The following WDR33 variants were observed in gnomAD, a reference collection of about 807,000 sequenced individuals.
WDR33 encodes WD repeat domain 33.
WDR33 carries 47 observed loss-of-function variants against 164.9 expected under a neutral mutation model. The observed-to-expected ratio is 0.29, with a 90% CI of 0.23 to 0.36. The LOEUF is 0.36. Ranked by LOEUF, WDR33 falls within the 10% of genes least tolerant of loss-of-function variation. WDR33 has a pLI of 1.00. For missense variants in WDR33, 1,137 were observed against 1,754.1 expected (o/e 0.65, Z 6.28); for synonymous variants, 505 against 589.0 (o/e 0.86, Z 2.06).
At chr2:127,761,345 C>T (rs771932097) in intron 7 of WDR33, among the ~76,000 whole-genome samples, 12 of 151,946 alleles carry the variant, frequency 7.9e-5, no homozygotes, top group African/African-American at 1.5e-4. Context: ...GGACTACAGG[C>T]GCCCACCACG....
rs573421457 is a variant in WDR33, at chr2:127,706,241, C to T, written c.*82G>A. On this transcript the variant is annotated 3_prime_UTR_variant, in exon 22 of 22. Transcript: ENST00000322313. The surrounding 1 kb of genome is among the most constrained non-coding windows in gnomAD (Gnocchi z 5.1). ...GAGTTCAGGGCTACAATGGTGCAGG[C>T]TTCCTTTTGTTTCTCTTGGTGAGTC... The T allele has an allele frequency of 3.6e-5, 47 of 1,309,772 alleles. No individual in the cohort carries two copies. The highest frequency in any genetic ancestry group is 2.6e-4 in the Middle Eastern group (1 of 3,916). 81.1% of individuals were successfully genotyped at this position (1,309,772 alleles called of 1,614,324 possible).
At chr2:127,777,918 G>C (rs925776733) in intron 1 of WDR33, among the ~76,000 whole-genome samples, 2 of 152,142 alleles carry the variant, frequency 1.3e-5, no homozygotes, top group African/African-American at 2.4e-5. Context: ...GGTCAATTCT[G>C]CTTCTTGTCC....
rs1163414629 is a variant in WDR33 at position 127,702,119 on chromosome 2, C to A, written c.*4204G>T. Reference sequence around the variant, plus strand: ...CCTGGGGCGGCGGCACCGCGCTGCGCCTCGCACTGGGTCGCCTGGGCCGCG... The same window carrying A: ...CCTGGGGCGGCGGCACCGCGCTGCGACTCGCACTGGGTCGCCTGGGCCGCG... On this transcript the variant is annotated 3_prime_UTR_variant, in exon 22 of 22. Transcript: ENST00000322313. The A allele has an allele frequency of 1.1e-5, 13 of 1,219,500 alleles. No homozygotes were observed. Among genetic ancestry groups the A allele is most frequent in the Non-Finnish European group, 1.2e-5 (12 of 981,910 alleles). The allele number at this position is 1,219,500 out of a possible 1,614,324, so 75.5% of individuals were successfully genotyped here.
Position 127,763,300 on chromosome 2 carries a change from G to T in WDR33, c.627-141C>A, listed in dbSNP as rs1167232076. 1 of 1,467,370 alleles carries T rather than the reference G, an allele frequency of 6.8e-7. No individual in the cohort carries two copies. The highest frequency in any genetic ancestry group is 2.5e-5 in the East Asian group (1 of 39,958). The allele number at this position is 1,467,370 out of a possible 1,614,324, so 90.9% of individuals were successfully genotyped here. The stretch of plus-strand genomic sequence containing the variant: ...AATCCAGTGAAGAAGCCCTTAAAGT[G>T]AATGTCGTCAGCTAACATAGGCATC... On this transcript the variant is annotated intron_variant, in intron 6 of 21. Transcript: ENST00000322313. This position sits in a 1 kb window ranked among gnomAD's most constrained non-coding sequence, Gnocchi z 4.5.
In WDR33 at chr2:127,710,445, C is replaced by T. The variant is rs1264937673; in HGVS notation, c.3309-589G>A. On this transcript the variant is annotated intron_variant, in intron 18 of 21. Coordinates refer to ENST00000322313, the MANE Select transcript of WDR33 (RefSeq NM_018383.5). This position sits in a 1 kb window ranked among gnomAD's most constrained non-coding sequence, Gnocchi z 4.4. ...GCCATCTGCCCCAGCCCACAGCCTC[C>T]ACCCAGGGGCAGGCCTCCATGACCA... Among the ~76,000 whole-genome samples, 1 of 152,236 alleles carries T rather than the reference C, an allele frequency of 6.6e-6. No homozygotes were observed. Among genetic ancestry groups the T allele is most frequent in the African/African-American group, 2.4e-5 (1 of 41,456 alleles).
chr2:127,717,892 T>G lies in WDR33; in HGVS notation c.2761-629A>C, dbSNP rs191793202. On this transcript the variant is annotated intron_variant, in intron 16 of 21. Coordinates refer to ENST00000322313, the MANE Select transcript of WDR33 (RefSeq NM_018383.5). The surrounding 1 kb of genome is among the most constrained non-coding windows in gnomAD (Gnocchi z 5.6). ...ACACAGTAGCTAAAGTCCATTATTT[T>G]TTTAATCCTCCAAAATGAAAACTGT... 1.0e-3 allele frequency among the ~76,000 whole-genome samples: 156 copies of G among 152,346 alleles called. 1 individual carries two copies. The highest frequency in any genetic ancestry group is 3.6e-3 in the African/African-American group (151 of 41,578).
At chr2:127,810,653 A>G (rs979514280) in intron 1 of WDR33, 1 of 152,078 alleles carries the variant, frequency 6.6e-6, no homozygotes, top group African/African-American at 2.4e-5. Flanking sequence ...TCAACCAACT[A>G]CTTCAACTCG....
At chr2:127,808,922 C>T (rs907719521) in intron 1 of WDR33, among the ~76,000 whole-genome samples, 21 of 150,968 alleles carry the variant, frequency 1.4e-4, no homozygotes, top group Admixed American at 4.6e-4. Context: ...CCCAGCTACT[C>T]GGGAGGCTCA....
In WDR33 at chr2:127,708,583, C is replaced by T. The variant is rs1471196412; in HGVS notation, c.3781+94G>A. 3.6e-6 allele frequency: 5 copies of T among 1,375,876 alleles called. No individual in the cohort carries two copies. The highest frequency in any genetic ancestry group is 3.9e-6 in the Non-Finnish European group (4 of 1,013,394). 85.2% of individuals were successfully genotyped at this position (1,375,876 alleles called of 1,614,324 possible). On this transcript the variant is annotated intron_variant, in intron 21 of 21. Coordinates refer to ENST00000322313, the MANE Select transcript of WDR33 (RefSeq NM_018383.5). The surrounding 1 kb of genome is among the most constrained non-coding windows in gnomAD (Gnocchi z 6.7). The stretch of plus-strand genomic sequence containing the variant: ...ACATTTAGGAGCATGTGCCTCTGCA[C>T]AGCCCAGGCTGCAAGGGCATGTGCA...
chr2:127,774,819 G>C (rs1465461745), intron 1 of WDR33, among the ~76,000 whole-genome samples: 4 of 151,224 alleles, frequency 2.6e-5, no homozygotes, highest in African/African-American at 7.3e-5. Flanking sequence ...GACAGAGTGA[G>C]ACTCCGTCTC....
rs1336523540 is a variant in WDR33 at position 127,712,528 on chromosome 2, G to C, written c.3308+1055C>G. Reference sequence around the variant, plus strand: ...CAGCTCTGACACCTACCACCTGCCAGACCTCGGAAAGTCAAGACACTGCTC... The same window carrying C: ...CAGCTCTGACACCTACCACCTGCCACACCTCGGAAAGTCAAGACACTGCTC... On this transcript the variant is annotated intron_variant, in intron 18 of 21. Transcript: ENST00000322313. The surrounding 1 kb of genome is among the most constrained non-coding windows in gnomAD (Gnocchi z 4.0). Among the ~76,000 whole-genome samples, 2 of 152,214 alleles carry C rather than the reference G, an allele frequency of 1.3e-5. No homozygotes were observed. The highest frequency in any genetic ancestry group is 1.3e-4 in the Admixed American group (2 of 15,282).
chr2:127,792,909 A>G (rs1383786895), intron 1 of WDR33, among the ~76,000 whole-genome samples: 1 of 152,192 alleles, frequency 6.6e-6, no homozygotes, highest in Non-Finnish European at 1.5e-5. Context: ...GTTGTGATGA[A>G]ACAAACAAAG....
At position 127,763,302 on chromosome 2, in the gene WDR33, A is replaced by G; in HGVS notation, c.627-143T>C. On this transcript the variant is annotated intron_variant, in intron 6 of 21. Transcript: ENST00000322313. The surrounding 1 kb of genome is among the most constrained non-coding windows in gnomAD (Gnocchi z 4.5). ...TCCAGTGAAGAAGCCCTTAAAGTGAATGTCGTCAGCTAACATAGGCATCTC... is the reference window on the plus strand; with the variant it reads ...TCCAGTGAAGAAGCCCTTAAAGTGAGTGTCGTCAGCTAACATAGGCATCTC... The G allele has an allele frequency of 6.8e-7, 1 of 1,464,668 alleles. No homozygotes were observed. The highest frequency in any genetic ancestry group is 9.0e-7 in the Non-Finnish European group (1 of 1,108,576). 90.7% of individuals were successfully genotyped at this position (1,464,668 alleles called of 1,614,324 possible). A position where few individuals can be genotyped will look rare whatever the true frequency, so the allele number is the denominator to read the frequency against.
In WDR33 at chr2:127,726,777, C is replaced by CTAA; in HGVS notation, c.725-1_725insTTA (p.Gly242delinsValArg). On this transcript the variant is annotated protein_altering_variant and splice_region_variant. Coordinates refer to ENST00000322313, the MANE Select transcript of WDR33 (RefSeq NM_018383.5). The surrounding 1 kb of genome is among the most constrained non-coding windows in gnomAD (Gnocchi z 4.8). ...TACACATTTCACATCAGCACCATGC[C>CTAA]CTGTCGGAAACAAGTTAGGATTAAA... The CTAA allele has an allele frequency of 6.2e-7, 1 of 1,613,820 alleles. No individual in the cohort carries two copies. Among genetic ancestry groups the CTAA allele is most frequent in the Non-Finnish European group, 8.5e-7 (1 of 1,179,920 alleles).
In WDR33 at chr2:127,770,987, T is replaced by C; in HGVS notation, c.-6A>G. The C allele has an allele frequency of 6.2e-7, 1 of 1,613,590 alleles. No homozygotes were observed. The highest frequency in any genetic ancestry group is 8.5e-7 in the Non-Finnish European group (1 of 1,179,690). Reference sequence around the variant, plus strand: ...GAACCAATTTCTGTAGCCATGGTGATGTTTTCCTTCTAGGATACTAGGATA... The same window carrying C: ...GAACCAATTTCTGTAGCCATGGTGACGTTTTCCTTCTAGGATACTAGGATA... On this transcript the variant is annotated 5_prime_UTR_variant, in exon 2 of 22. Coordinates refer to ENST00000322313, the MANE Select transcript of WDR33 (RefSeq NM_018383.5). The surrounding 1 kb of genome is among the most constrained non-coding windows in gnomAD (Gnocchi z 4.9).
intron 1 of WDR33, among the ~76,000 whole-genome samples, chr2:127,807,900 G>A (rs894502359): frequency 6.6e-6 from 1 of 152,208 alleles, no homozygotes; most frequent in African/African-American, 2.4e-5. Context: ...AGGAATTAGA[G>A]GCTACAGTGA....
chr2:127,766,920 G>A lies in WDR33; in HGVS notation c.378+1269C>T, dbSNP rs370988759. Among the ~76,000 whole-genome samples, 3 of 151,956 alleles carry A rather than the reference G, an allele frequency of 2.0e-5. 1 individual carries two copies. The highest frequency in any genetic ancestry group is 7.2e-5 in the African/African-American group (3 of 41,460). ...CTCTCAGGCACGTGCCACCACACCC[G>A]GCTAATTTTTGTATTTTTAGTAAAC... On this transcript the variant is annotated intron_variant, in intron 4 of 21. Coordinates refer to ENST00000322313, the MANE Select transcript of WDR33 (RefSeq NM_018383.5).
chr2:127,762,878 G>A, intron 7 of WDR33, 184 bp downstream of exon 7: 1 of 1,407,644 alleles, frequency 7.1e-7, no homozygotes, highest in Non-Finnish European at 9.2e-7. Context: ...AACACTGGTA[G>A]TAAAAACCTA....
chr2:127,760,830 T>TACCTC lies in WDR33; in HGVS notation c.724+2231_724+2232insGAGGT, dbSNP rs1489482251. On this transcript the variant is annotated intron_variant, in intron 7 of 21. Coordinates refer to ENST00000322313, the MANE Select transcript of WDR33 (RefSeq NM_018383.5). ...AAAGCTAGAATGTAAACCCTAAAAG[T>TACCTC]ACCTGAAGGCTCATTATACCTTTGT... Among the ~76,000 whole-genome samples the TACCTC allele has an allele frequency of 2.0e-5, 3 of 152,200 alleles. 1 individual carries two copies. Among genetic ancestry groups the TACCTC allele is most frequent in the Non-Finnish European group, 4.4e-5 (3 of 68,022 alleles).
Sources: gnomAD v4.1 joint callset for allele counts (sites outside exome capture counted in the v4.1 genomes callset) on GRCh38, gnomAD v4.1.1 for gene constraint, Gnocchi (gnomAD v3.1) non-coding constraint, MANE v1.5 for transcripts, NCBI Gene and HGNC (gene_info 2026-07-23, HGNC 2026-07-21) for gene names.